Variants in SLC22A4 observed in about 807,000 individuals in gnomAD.
SLC22A4 encodes the protein solute carrier family 22 member 4.
A neutral mutation model predicts 56.6 loss-of-function variants in SLC22A4; 39 were observed. The ratio of observed to expected loss-of-function variants is 0.69; its 90% CI spans 0.53 to 0.90. The LOEUF is 0.90. Ranked by LOEUF, SLC22A4 falls within the 40% of genes least tolerant of loss-of-function variation. The pLI is 0.00. For synonymous variants in SLC22A4, 241 were observed against 281.4 expected, an observed-to-expected ratio of 0.86 and a Z score of 1.44; for missense variants, 594 against 696.5, an observed-to-expected ratio of 0.85 and a Z score of 1.66.
chr5:132,322,269 G>A lies in SLC22A4; in HGVS notation c.738G>A (p.Leu246=), dbSNP rs973232144. 6.2e-7 allele frequency: 1 copy of A among 1,613,806 alleles called. No homozygotes were observed. The highest frequency in any genetic ancestry group is 1.3e-5 in the African/African-American group (1 of 74,892). Reference sequence around the variant, plus strand: ...TTTTTGCAGTTGGCTATATGCTGCTGCCACTGTTTGCTTACTTCATCAGAG... The same window carrying A: ...TTTTTGCAGTTGGCTATATGCTGCTACCACTGTTTGCTTACTTCATCAGAG... ...CTFFAVGYML[L]PLFAYFIRDW... Residue 246 remains leucine (L), a synonymous_variant, in exon 4 of 10, where the codon CTG becomes CTA. Coordinates refer to ENST00000200652, the MANE Select transcript of SLC22A4 (RefSeq NM_003059.3).
chr5:132,311,989 C>T, intron 1 of SLC22A4, 172 bp from the exon 2 acceptor site: 1 of 701,200 alleles, frequency 1.4e-6, no homozygotes, highest in South Asian at 1.5e-5. Flanking sequence ...AGTCCCGGCA[C>T]AGGCCAGTCA....
intron 8 of SLC22A4, among the ~76,000 whole-genome samples, chr5:132,337,090 T>C (rs1358806672): frequency 1.3e-5 from 2 of 150,954 alleles, no homozygotes; most frequent in Admixed American, 6.6e-5. Flanking sequence ...TTTGTGAATT[T>C]ACTTACGTAT....
At position 132,304,575 on chromosome 5, in the gene SLC22A4, C is replaced by CAGTG. The variant is rs530802901; in HGVS notation, c.394-7586_394-7585insAGTG. Among the ~76,000 whole-genome samples the CAGTG allele has an allele frequency of 1.2e-3, 179 of 152,156 alleles. 2 individuals carry two copies. The highest frequency in any genetic ancestry group is 6.8e-3 in the Middle Eastern group (2 of 294). On this transcript the variant is annotated intron_variant, in intron 1 of 9. Coordinates refer to ENST00000200652, the MANE Select transcript of SLC22A4 (RefSeq NM_003059.3). ...GAGGTTGCAGTGAGCCGAGATCATG[C>CAGTG]CACTGTACTCTAGCTTGGGCAACAG...
chr5:132,328,736 A>C (rs562757209), intron 5 of SLC22A4, among the ~76,000 whole-genome samples: 24 of 152,194 alleles, frequency 1.6e-4, no homozygotes, highest in African/African-American at 5.5e-4. Context: ...TGTGGATGAC[A>C]GCAATCATAA....
At chr5:132,295,529 G>A (rs1207119765) in intron 1 of SLC22A4, 5 of 344,620 alleles carry the variant, frequency 1.5e-5, no homozygotes, top group African/African-American at 1.1e-4. Flanking sequence ...TAAGACAGCA[G>A]ATGGCCTCCT....
At chr5:132,316,108 T>G (rs1750347782) in intron 3 of SLC22A4, among the ~76,000 whole-genome samples, 2 of 152,166 alleles carry the variant, frequency 1.3e-5, no homozygotes, top group Non-Finnish European at 2.9e-5. Flanking sequence ...GGTAGGTGCC[T>G]TCGCTTCCAC....
rs767923940 is a variant in SLC22A4, at chr5:132,295,045, C to A, written c.393+36C>A. ...GGCCGAGACCGTTGACCCGGGAGTG[C>A]CTGACCCTCCCTCTGCGTCAGCCCC... On this transcript the variant is annotated intron_variant, in intron 1 of 9. Transcript: ENST00000200652. The A allele has an allele frequency of 1.8e-5, 28 of 1,580,238 alleles. No homozygotes were observed. In the Admixed American group the frequency reaches 4.0e-4, roughly 22 times the overall value.
intron 3 of SLC22A4, 87 bp from the exon 4 acceptor site, chr5:132,322,097 G>A: frequency 8.1e-7 from 1 of 1,231,400 alleles, no homozygotes; most frequent in Non-Finnish European, 1.2e-6. Flanking sequence ...AGTGGTGATA[G>A]TTTGAACTCT....
intron 5 of SLC22A4, among the ~76,000 whole-genome samples, chr5:132,328,827 ATATATAT>A (rs1750759967): frequency 1.1e-4 from 2 of 18,158 alleles, no homozygotes; most frequent in South Asian, 1.2e-3. Flanking sequence ...GTGCCTTTAT[ATATATAT>A]ATATACACAC....
intron 3 of SLC22A4, among the ~76,000 whole-genome samples, chr5:132,315,252 G>T (rs376509378): frequency 4.0e-4 from 61 of 152,078 alleles, no homozygotes; most frequent in East Asian, 3.5e-3. Context: ...AGCCAAACAG[G>T]CCTCCCCAAA....
chr5:132,322,294 G>T lies in SLC22A4; in HGVS notation c.763G>T (p.Asp255Tyr). The T allele has an allele frequency of 6.2e-7, 1 of 1,614,130 alleles. No individual in the cohort carries two copies. The highest frequency in any genetic ancestry group is 8.5e-7 in the Non-Finnish European group (1 of 1,180,022). ...GCCACTGTTTGCTTACTTCATCAGA[G>T]ACTGGCGGATGCTGCTGCTGGCGCT... ...LLPLFAYFIR[D>Y]WRMLLLALTV... Residue 255 changes from aspartate (D) to tyrosine (Y), a missense_variant, in exon 4 of 10, where the codon GAC (aspartate) becomes TAC (tyrosine). Transcript: ENST00000200652.
rs1751082253 is a variant in SLC22A4, at chr5:132,338,103, T to C, written c.1444+2103T>C. ...CAAAATTCAGCCCTGATAATTCACA[T>C]AGGTTCTTTTCTATTTTCCCTAAGT... On this transcript the variant is annotated intron_variant, in intron 8 of 9. Coordinates refer to ENST00000200652, the MANE Select transcript of SLC22A4 (RefSeq NM_003059.3). Among the ~76,000 whole-genome samples the C allele has an allele frequency of 2.0e-5, 3 of 152,128 alleles. No homozygotes were observed. The South Asian group carries it at 6.2e-4, about 31-fold the overall frequency.
intron 1 of SLC22A4, among the ~76,000 whole-genome samples, chr5:132,298,159 C>T (rs1749821163): frequency 6.6e-6 from 1 of 152,150 alleles, no homozygotes; most frequent in African/African-American, 2.4e-5. Context: ...ATAATTGAAA[C>T]AGGGTTTCAA....
chr5:132,326,368 A>G (rs529931295), intron 4 of SLC22A4, among the ~76,000 whole-genome samples: 1 of 152,360 alleles, frequency 6.6e-6, no homozygotes, highest in African/African-American at 2.4e-5. Context: ...AATTTATTAA[A>G]TACTGTACTG....
At chr5:132,303,821 A>C (rs757706613) in intron 1 of SLC22A4, among the ~76,000 whole-genome samples, 54 of 152,290 alleles carry the variant, frequency 3.5e-4, no homozygotes, top group Middle Eastern at 3.4e-3. Context: ...TGTCATTCTG[A>C]GATAAATGGG....
chr5:132,328,762 T>C (rs1750757048), intron 5 of SLC22A4, among the ~76,000 whole-genome samples: 1 of 151,712 alleles, frequency 6.6e-6, no homozygotes, highest in Non-Finnish European at 1.5e-5. Context: ...ATATGAGATA[T>C]ATAGTTATGG....
At chr5:132,337,956 G>T in intron 8 of SLC22A4, among the ~76,000 whole-genome samples, 1 of 151,378 alleles carries the variant, frequency 6.6e-6, no homozygotes, top group Non-Finnish European at 1.5e-5. Flanking sequence ...TATTGGTCAG[G>T]CTGGTCTCAA....
chr5:132,316,555 T>A (rs3792885), intron 3 of SLC22A4, among the ~76,000 whole-genome samples: 11,680 of 152,278 alleles, frequency 0.077, 573 homozygotes, highest in East Asian at 0.27. Flanking sequence ...CTGTATTTAA[T>A]AACACAGAAA....
At chr5:132,303,583 A>G (rs142256838) in intron 1 of SLC22A4, among the ~76,000 whole-genome samples, 1 of 151,738 alleles carries the variant, frequency 6.6e-6, no homozygotes, top group Non-Finnish European at 1.5e-5. Flanking sequence ...CCATCCCTGT[A>G]TTCTCTTAGC....
Sources: allele counts gnomAD v4.1 joint callset (sites outside exome capture counted in the v4.1 genomes callset), GRCh38; gene constraint gnomAD v4.1.1; transcripts MANE v1.5; gene names NCBI Gene and HGNC (gene_info 2026-07-23, HGNC 2026-07-21).